Variants in HMCN1 observed in about 807,000 individuals in gnomAD.
HMCN1 encodes the protein hemicentin-1.
In HMCN1, 321 loss-of-function variants were observed where a neutral mutation model predicts 625.9. That is an observed-to-expected ratio of 0.51 (90% CI 0.47 to 0.56). The LOEUF is 0.56. Ranked by LOEUF, HMCN1 falls within the 20% of genes least tolerant of loss-of-function variation. The pLI is 0.00. For missense variants in HMCN1, 6,588 were observed against 6,887.3 expected, an observed-to-expected ratio of 0.96 and a Z score of 1.54; for synonymous variants, 2,425 against 2,417.6, an observed-to-expected ratio of 1.00 and a Z score of -0.09.
intron 1 of HMCN1, among the ~76,000 whole-genome samples, chr1:185,815,884 A>G (rs1659816944): frequency 6.7e-6 from 1 of 150,136 alleles, no homozygotes; most frequent in African/African-American, 2.5e-5. Context: ...AATTTAAAAT[A>G]CTGTGTACTC....
chr1:185,939,521 G>GT (rs1356877683), intron 11 of HMCN1, among the ~76,000 whole-genome samples: 1 of 152,080 alleles, frequency 6.6e-6, no homozygotes, highest in African/African-American at 2.4e-5. Flanking sequence ...TTGACTTGTA[G>GT]TTTTTTTGTT....
Position 186,189,840 on chromosome 1 carries a change from T to A in HMCN1, c.16870T>A (p.Phe5624Ile), listed in dbSNP as rs770374941. ...TGGGACCATTGAATATCAGACCACA[T>A]TCATAGTTTATATAGCTGTGTCCGC... ...ANGTIEYQTT[F>I]IVYIAVSAYP... is the part of the protein sequence containing the mutation. The change falls in exon 107 of 107, where the codon TTC becomes ATC. Residue 5624 changes from phenylalanine to isoleucine, a missense_variant. Transcript: ENST00000271588. 1 of 1,613,802 alleles carries A rather than the reference T, an allele frequency of 6.2e-7. No homozygotes were observed. The highest frequency in any genetic ancestry group is 1.1e-5 in the South Asian group (1 of 91,060).
chr1:186,065,207 T>C, intron 48 of HMCN1, 31 bp from the exon 49 acceptor site: 1 of 1,574,960 alleles, frequency 6.3e-7, no homozygotes, highest in Non-Finnish European at 8.7e-7. Context: ...CATGTAATTA[T>C]TAGCTGACTC....
At chr1:186,152,966 G>A (rs535697750) in intron 96 of HMCN1, 95 bp downstream of exon 96, 19 of 1,482,364 alleles carry the variant, frequency 1.3e-5, no homozygotes, top group Admixed American at 6.7e-5. Context: ...TCACTCTGTG[G>A]GGGAAAATGT....
intron 100 of HMCN1, among the ~76,000 whole-genome samples, chr1:186,170,792 A>G (rs1174039380): frequency 2.0e-5 from 3 of 152,224 alleles, no homozygotes; most frequent in Non-Finnish European, 4.4e-5. Context: ...TGAGGAGTTC[A>G]TGCCTGCACA....
chr1:185,799,196 A>G (rs534567512), intron 1 of HMCN1, among the ~76,000 whole-genome samples: 1 of 152,274 alleles, frequency 6.6e-6, no homozygotes, highest in East Asian at 1.9e-4. Context: ...TAGTTGGGAT[A>G]TACTCTGCAT....
In HMCN1 at chr1:185,909,371, C is replaced by G; in HGVS notation, c.656C>G (p.Ser219Cys). The G allele has an allele frequency of 6.2e-7, 1 of 1,613,174 alleles. No individual in the cohort carries two copies. The highest frequency in any genetic ancestry group is 8.5e-7 in the Non-Finnish European group (1 of 1,179,274). Residue 219 changes from serine to cysteine, a missense_variant, in exon 5 of 107, where the codon TCC becomes TGC. Transcript: ENST00000271588. ...TGGGTAGAAGAAGCAGTACAGGCCTCCAAAGTTCACCTTTTATCCACAGAT... is the reference window on the plus strand; with the variant it reads ...TGGGTAGAAGAAGCAGTACAGGCCTGCAAAGTTCACCTTTTATCCACAGAT... ...LKWVEEAVQA[S>C]KVHLLSTDHL...
intron 1 of HMCN1, among the ~76,000 whole-genome samples, chr1:185,820,443 A>C (rs1051557050): frequency 6.6e-6 from 1 of 152,156 alleles, no homozygotes; most frequent in African/African-American, 2.4e-5. Context: ...AAGCTGAGAC[A>C]GCCCCGAATA....
chr1:185,894,243 ATACAG>A (rs1665344992), intron 4 of HMCN1, among the ~76,000 whole-genome samples: 1 of 152,252 alleles, frequency 6.6e-6, no homozygotes, highest in Admixed American at 6.5e-5. Flanking sequence ...AAATGAAATC[ATACAG>A]TACACTTCAG....
At chr1:185,932,365 TATG>T (rs1667593070) in intron 10 of HMCN1, among the ~76,000 whole-genome samples, 1 of 152,188 alleles carries the variant, frequency 6.6e-6, no homozygotes, top group Non-Finnish European at 1.5e-5. Context: ...ATTCTAGGCT[TATG>T]ATATTAATCT....
intron 1 of HMCN1, among the ~76,000 whole-genome samples, chr1:185,817,847 C>T (rs774411985): frequency 2.6e-5 from 4 of 151,644 alleles, no homozygotes; most frequent in Non-Finnish European, 5.9e-5. Flanking sequence ...AAAGCTGTTT[C>T]GGTTCATAGG....
intron 11 of HMCN1, among the ~76,000 whole-genome samples, chr1:185,952,061 T>C (rs981199877): frequency 6.6e-6 from 1 of 151,778 alleles, no homozygotes; most frequent in Non-Finnish European, 1.5e-5. Flanking sequence ...TGTAAAGCGT[T>C]TCAGGGTTGC....
chr1:186,185,599 A>T (rs1397274378), intron 105 of HMCN1, among the ~76,000 whole-genome samples: 1 of 152,246 alleles, frequency 6.6e-6, no homozygotes, highest in Non-Finnish European at 1.5e-5. Flanking sequence ...TTTACTCCGT[A>T]TCATTCTAAC....
intron 4 of HMCN1, among the ~76,000 whole-genome samples, chr1:185,869,830 A>T (rs954038403): frequency 1.3e-5 from 2 of 152,178 alleles, no homozygotes; most frequent in African/African-American, 4.8e-5. Flanking sequence ...TTTAATAGAC[A>T]TAAGAACTTC....
At chr1:185,984,139 A>T in intron 18 of HMCN1, 30 bp from the exon 19 acceptor site, 1 of 1,598,290 alleles carries the variant, frequency 6.3e-7, no homozygotes, top group Non-Finnish European at 8.6e-7. Context: ...TTTCTTTTTA[A>T]ATAAAAATTA....
rs1345337708 is a variant in HMCN1, at chr1:186,041,085, G to A, written c.6253G>A (p.Ala2085Thr). 1.9e-6 allele frequency: 3 copies of A among 1,612,766 alleles called. No homozygotes were observed. Among genetic ancestry groups the A allele is most frequent in the African/African-American group, 1.3e-5 (1 of 74,856 alleles). ...CGACACAGGAAGGTACACCTGCGTGGCAGTGAATGCTGCTGGAGAAAAGCA... is the reference window on the plus strand; with the variant it reads ...CGACACAGGAAGGTACACCTGCGTGACAGTGAATGCTGCTGGAGAAAAGCA... ...ISDTGRYTCV[A>T]VNAAGEKQRD... The change falls in exon 40 of 107, where the codon GCA becomes ACA. Residue 2085 changes from alanine to threonine, a missense_variant. By Grantham distance (58) the Ala-to-Thr change is moderately conservative. Transcript: ENST00000271588.
chr1:186,133,817 A>G (rs899879257), intron 86 of HMCN1, among the ~76,000 whole-genome samples: 15 of 151,902 alleles, frequency 9.9e-5, no homozygotes, highest in Admixed American at 3.3e-4. Context: ...CCTGAGAAAA[A>G]ATGAATTAAA....
At chr1:185,850,294 T>C (rs985031806) in intron 2 of HMCN1, among the ~76,000 whole-genome samples, 1 of 152,148 alleles carries the variant, frequency 6.6e-6, no homozygotes, top group African/African-American at 2.4e-5. Context: ...TAACCATCAG[T>C]TTTTATTGCC....
intron 1 of HMCN1, among the ~76,000 whole-genome samples, chr1:185,839,683 T>C (rs1038531109): frequency 6.6e-6 from 1 of 152,200 alleles, no homozygotes; most frequent in African/African-American, 2.4e-5. Flanking sequence ...TGTTCATTAT[T>C]AAGGAGTTCT....
Sources: gnomAD v4.1 joint callset for allele counts (sites outside exome capture counted in the v4.1 genomes callset) on GRCh38, gnomAD v4.1.1 for gene constraint, MANE v1.5 for transcripts, NCBI Gene and HGNC (gene_info 2026-07-23, HGNC 2026-07-21) for gene names.